The following SASH1 variants were observed in gnomAD, a reference collection of about 807,000 sequenced individuals.
The protein encoded by SASH1 is SAM and SH3 domain-containing protein 1.
SASH1 carries 44 observed loss-of-function variants against 125.2 expected under a neutral mutation model. That is an observed-to-expected ratio of 0.35 (90% confidence interval 0.28 to 0.45). The LOEUF is 0.45. Ranked by LOEUF, SASH1 falls within the 20% of genes least tolerant of loss-of-function variation. The probability of loss-of-function intolerance (pLI) is 1.00; values close to 1 mark genes in which losing one functional copy is unlikely to be tolerated. For missense variants in SASH1, 1,426 were observed against 1,614.5 expected (o/e 0.88, Z 2.00); for synonymous variants, 639 against 649.1 (o/e 0.98, Z 0.24).
chr6:148,537,168 A>ATCTT (rs1781896900), intron 16 of SASH1, among the ~76,000 whole-genome samples: 1 of 152,232 alleles, frequency 6.6e-6, no homozygotes. Context: ...GTCTATTGAG[A>ATCTT]TCTTTGAAGA....
chr6:148,350,561 A>G (rs1781692657), intron 1 of SASH1, among the ~76,000 whole-genome samples: 2 of 152,214 alleles, frequency 1.3e-5, no homozygotes, highest in South Asian at 4.1e-4. Flanking sequence ...AGGAAAAACT[A>G]TTGTTTATCT....
chr6:148,506,616 A>G (rs1562465742), intron 8 of SASH1, among the ~76,000 whole-genome samples: 2 of 152,240 alleles, frequency 1.3e-5, no homozygotes, highest in Non-Finnish European at 2.9e-5. Flanking sequence ...CAGGAATATT[A>G]AGACCCATAA....
chr6:148,258,209 C>T, the SASH1 span, among the ~76,000 whole-genome samples: 4 of 152,070 alleles, frequency 2.6e-5, no homozygotes, highest in African/African-American at 7.2e-5. Flanking sequence ...CCATACTCAG[C>T]TTTCCATTTA....
intron 1 of SASH1, among the ~76,000 whole-genome samples, chr6:148,371,340 T>A (rs1423886413): frequency 6.6e-6 from 1 of 151,994 alleles, no homozygotes; most frequent in African/African-American, 2.4e-5. Flanking sequence ...CACTGCAACC[T>A]CTGCCTCCTA....
chr6:148,528,576 A>G (rs546142341), intron 12 of SASH1, among the ~76,000 whole-genome samples: 1 of 152,290 alleles, frequency 6.6e-6, no homozygotes, highest in African/African-American at 2.4e-5. Context: ...TCAGTTGATT[A>G]CAGTGGTTCT....
intron 2 of SASH1, among the ~76,000 whole-genome samples, chr6:148,402,650 G>A (rs528332163): frequency 1.9e-3 from 264 of 136,566 alleles, no homozygotes; most frequent in African/African-American, 7.1e-3. Context: ...AGTCTCGCTC[G>A]GTCGCCCAGG....
intron 1 of SASH1, among the ~76,000 whole-genome samples, chr6:148,326,834 G>T (rs1780843296): frequency 6.6e-6 from 1 of 152,050 alleles, no homozygotes; most frequent in South Asian, 2.1e-4. Context: ...ACTAAATGAG[G>T]CATACATAAT....
At chr6:148,434,925 C>T (rs1441016473) in intron 2 of SASH1, among the ~76,000 whole-genome samples, 1 of 152,084 alleles carries the variant, frequency 6.6e-6, no homozygotes, top group East Asian at 1.9e-4. Flanking sequence ...AAGGATGTAG[C>T]CAGGTGCAGG....
chr6:148,352,267 A>G (rs955779849), intron 1 of SASH1, among the ~76,000 whole-genome samples: 2 of 152,178 alleles, frequency 1.3e-5, no homozygotes, highest in African/African-American at 4.8e-5. Flanking sequence ...GTTAACAGTC[A>G]CCAACATCAT....
chr6:148,549,674 T>C lies in SASH1; in HGVS notation c.*1116T>C. 5.0e-6 allele frequency: 2 copies of C among 399,012 alleles called. No homozygotes were observed. Among genetic ancestry groups the C allele is most frequent in the East Asian group, 3.6e-5 (1 of 28,078 alleles). 24.7% of individuals were successfully genotyped at this position (399,012 alleles called of 1,614,324 possible). On this transcript the variant is annotated 3_prime_UTR_variant, in exon 20 of 20. Coordinates refer to ENST00000367467, the MANE Select transcript of SASH1 (RefSeq NM_015278.5). ...CTTTTCAGTATTACAACTAATACTA[T>C]TATTATCCTTCTTTTTTTATTTAGA...
At chr6:148,490,909 G>A (rs956564033) in intron 8 of SASH1, among the ~76,000 whole-genome samples, 2 of 152,070 alleles carry the variant, frequency 1.3e-5, no homozygotes, top group African/African-American at 4.8e-5. Flanking sequence ...AACAAACCTT[G>A]TATTTTTCAT....
the SASH1 span, among the ~76,000 whole-genome samples, chr6:148,238,925 A>T: frequency 1.3e-5 from 2 of 152,182 alleles, no homozygotes; most frequent in African/African-American, 4.8e-5. Flanking sequence ...TCATTCAATG[A>T]CCAAAAGAGC....
At chr6:148,197,959 C>T in the SASH1 span, among the ~76,000 whole-genome samples, 1 of 152,180 alleles carries the variant, frequency 6.6e-6, no homozygotes, top group Non-Finnish European at 1.5e-5. Flanking sequence ...TAGTGAGTCT[C>T]CTGCCTCAGC....
chr6:148,212,100 C>T, the SASH1 span, among the ~76,000 whole-genome samples: 1 of 152,176 alleles, frequency 6.6e-6, no homozygotes, highest in Non-Finnish European at 1.5e-5. Context: ...CCCGAGGGTA[C>T]ACTGGGCAGC....
chr6:148,242,815 A>G, the SASH1 span, among the ~76,000 whole-genome samples: 2 of 152,112 alleles, frequency 1.3e-5, no homozygotes, highest in African/African-American at 2.4e-5. Context: ...CTTTTTCTCT[A>G]TGAACTAGCC....
rs1369951467 is a variant in SASH1 at position 148,421,185 on chromosome 6, G to GAA, written c.286-18997_286-18996dup. ...AGAAAGAAAGAAAGAAAGAAAGAAA[G>GAA]AAAGAAAGAAAGAAAGAAAGAAAGA... On this transcript the variant is annotated intron_variant, in intron 2 of 19. Coordinates refer to ENST00000367467, the MANE Select transcript of SASH1 (RefSeq NM_015278.5). 4.8e-4 allele frequency among the ~76,000 whole-genome samples: 69 copies of GAA among 143,368 alleles called. 1 individual carries two copies. Among genetic ancestry groups the GAA allele is most frequent in the African/African-American group, 1.8e-3 (69 of 39,410 alleles). 94.1% of individuals were successfully genotyped at this position (143,368 alleles called of 152,430 possible).
rs528460190 is a variant in SASH1, at chr6:148,296,308, T to A, written n.74+23931T>A. Among the ~76,000 whole-genome samples, 4 of 152,228 alleles carry A rather than the reference T, an allele frequency of 2.6e-5. No individual in the cohort carries two copies. In the South Asian group the frequency reaches 6.2e-4, roughly 24 times the overall value. ...GCCCAGCTAATTTTTGTATTTTTAG[T>A]AGAGATGGGGTTTCGCCATGTTGGC... On this transcript the variant is annotated intron_variant and non_coding_transcript_variant, in intron 1 of 3. Transcript: ENST00000367469.
chr6:148,436,248 T>G lies in SASH1; in HGVS notation c.286-3936T>G, dbSNP rs186812266. Among the ~76,000 whole-genome samples the G allele has an allele frequency of 2.1e-3, 321 of 152,264 alleles. 1 individual carries two copies. Among genetic ancestry groups the G allele is most frequent in the South Asian group, 4.2e-3 (20 of 4,812 alleles). ...GGAGGCAATACAAATCTCAGCACTT[T>G]GGGAGGCCAAGGTGGGCGGATTGCT... On this transcript the variant is annotated intron_variant, in intron 2 of 19. Transcript: ENST00000367467.
intron 7 of SASH1, among the ~76,000 whole-genome samples, chr6:148,487,127 A>G (rs1378584506): frequency 8.1e-5 from 12 of 147,564 alleles, no homozygotes; most frequent in African/African-American, 2.7e-4. Flanking sequence ...ATATATATAT[A>G]TATGTGTATG....
Sources: allele counts gnomAD v4.1 joint callset (sites outside exome capture counted in the v4.1 genomes callset), GRCh38; gene constraint gnomAD v4.1.1; transcripts MANE v1.5; gene names NCBI Gene and HGNC (gene_info 2026-07-23, HGNC 2026-07-21).